The following TRDN variants were observed in gnomAD, a reference collection of about 807,000 sequenced individuals.
The protein encoded by TRDN is triadin, also known as triadin in skeletal muscle.
TRDN carries 161 observed loss-of-function variants against 149.7 expected under a neutral mutation model. The ratio of observed to expected loss-of-function variants is 1.08; its 90% confidence interval spans 0.95 to 1.23. TRDN has a LOEUF of 1.23. TRDN is among the 50% of genes most tolerant of loss of function. TRDN has a pLI of 0.00. For missense variants in TRDN, 896 were observed against 823.5 expected (o/e 1.09, Z -1.08); for synonymous variants, 294 against 250.5 (o/e 1.17, Z -1.64).
intron 14 of TRDN, among the ~76,000 whole-genome samples, chr6:123,386,807 C>A (rs888946335): frequency 1.3e-5 from 2 of 152,144 alleles, no homozygotes; most frequent in Non-Finnish European, 2.9e-5. Context: ...GGGCTTCATC[C>A]TTTTTGGTGT....
intron 14 of TRDN, among the ~76,000 whole-genome samples, chr6:123,382,723 T>C (rs571087797): frequency 1.2e-3 from 189 of 152,140 alleles, no homozygotes; most frequent in African/African-American, 4.1e-3. Flanking sequence ...ATAACTGTTA[T>C]GTAGTAATGT....
At chr6:123,352,459 C>T in intron 21 of TRDN, 80 bp downstream of exon 21, 1 of 1,577,578 alleles carries the variant, frequency 6.3e-7, no homozygotes, top group Non-Finnish European at 8.6e-7. Context: ...TGTCTTCCGC[C>T]TGTCTGAATC....
At chr6:123,394,159 C>G (rs1772626520) in intron 12 of TRDN, among the ~76,000 whole-genome samples, 1 of 152,084 alleles carries the variant, frequency 6.6e-6, no homozygotes, top group African/African-American at 2.4e-5. Context: ...GCAGTGGCAC[C>G]AATCACTATT....
At chr6:123,404,342 T>C (rs908982828) in intron 12 of TRDN, among the ~76,000 whole-genome samples, 1 of 152,228 alleles carries the variant, frequency 6.6e-6, no homozygotes, top group African/African-American at 2.4e-5. Context: ...AATATGCAGT[T>C]AGTATTTGAG....
chr6:123,530,659 G>T, intron 4 of TRDN, 94 bp from the exon 5 acceptor site: 1 of 754,688 alleles, frequency 1.3e-6, no homozygotes, highest in Non-Finnish European at 1.8e-6. Flanking sequence ...CTACCACAAA[G>T]TTTAAATTAT....
At chr6:123,442,035 T>C (rs1181487044) in intron 10 of TRDN, 1 of 152,218 alleles carries the variant, frequency 6.6e-6, no homozygotes, top group Non-Finnish European at 1.5e-5. Context: ...CAGCTCACAA[T>C]ATGACCATGG....
intron 1 of TRDN, among the ~76,000 whole-genome samples, chr6:123,609,030 G>A (rs924711150): frequency 6.6e-6 from 1 of 151,888 alleles, no homozygotes; most frequent in African/African-American, 2.4e-5. Context: ...AAAATTAGCA[G>A]GGCATGGTGG....
intron 2 of TRDN, among the ~76,000 whole-genome samples, chr6:123,565,639 T>G (rs1782247272): frequency 6.6e-6 from 1 of 152,160 alleles, no homozygotes; most frequent in South Asian, 2.1e-4. Context: ...ATGAAGCCAT[T>G]ATTTATTGTC....
rs527972248 is a variant in TRDN, at chr6:123,610,577, C to T, written c.22+26177G>A. 4.6e-5 allele frequency among the ~76,000 whole-genome samples: 7 copies of T among 152,186 alleles called. No individual in the cohort carries two copies. In the East Asian group the frequency reaches 7.7e-4, roughly 17 times the overall value. ...GTGACAGAGATATCTATTAAATAAT[C>T]ATATAAATGAACAATTGTATCTGTG... On this transcript the variant is annotated intron_variant, in intron 1 of 40. Transcript: ENST00000334268.
chr6:123,437,453 G>A (rs1013850392), intron 12 of TRDN: 6 of 295,658 alleles, frequency 2.0e-5, no homozygotes, highest in East Asian at 8.6e-5. Context: ...ACCCAGGCTG[G>A]AGTGCAGTAG....
intron 24 of TRDN, among the ~76,000 whole-genome samples, chr6:123,295,386 C>T (rs1778156791): frequency 6.6e-6 from 1 of 152,164 alleles, no homozygotes; most frequent in Non-Finnish European, 1.5e-5. Context: ...TGTAATGCTG[C>T]CTCTTCAATA....
chr6:123,630,663 G>T (rs1411329204), intron 1 of TRDN, among the ~76,000 whole-genome samples: 7 of 151,820 alleles, frequency 4.6e-5, no homozygotes, highest in Non-Finnish European at 7.4e-5. Flanking sequence ...TGTGCTTATG[G>T]GGTGGGGAGA....
chr6:123,495,124 C>T (rs1778390765), intron 9 of TRDN, among the ~76,000 whole-genome samples: 1 of 152,116 alleles, frequency 6.6e-6, no homozygotes, highest in African/African-American at 2.4e-5. Context: ...ATAGCTCACA[C>T]ACCCCTGCAG....
chr6:123,636,751 T>C lies in TRDN; in HGVS notation c.22+3A>G. 6.2e-7 allele frequency: 1 copy of C among 1,611,534 alleles called. No individual in the cohort carries two copies. The highest frequency in any genetic ancestry group is 8.5e-7 in the Non-Finnish European group (1 of 1,178,392). On this transcript the variant is annotated splice_donor_region_variant and intron_variant, in intron 1 of 40. Transcript: ENST00000334268. ...TGATACTATCGGAAAATGGTAGCAA[T>C]ACCTTCAGCAGTGATCTCAGTCATG...
At chr6:123,222,427 A>T (rs1775182537) in intron 39 of TRDN, among the ~76,000 whole-genome samples, 1 of 151,676 alleles carries the variant, frequency 6.6e-6, no homozygotes, top group African/African-American at 2.4e-5. Context: ...ATAAACATTA[A>T]AGTTTTAGAA....
chr6:123,280,158 C>T (rs1777530068), intron 24 of TRDN, among the ~76,000 whole-genome samples: 1 of 152,068 alleles, frequency 6.6e-6, no homozygotes, highest in African/African-American at 2.4e-5. Flanking sequence ...AAGGCCAAGA[C>T]AGTCAGTTAT....
intron 12 of TRDN, among the ~76,000 whole-genome samples, chr6:123,404,896 T>A (rs1318760949): frequency 6.6e-6 from 1 of 152,240 alleles, no homozygotes; most frequent in African/African-American, 2.4e-5. Context: ...CTCTCCTTTA[T>A]CAGTGTTAAA....
intron 24 of TRDN, among the ~76,000 whole-genome samples, chr6:123,308,327 T>C (rs1292054328): frequency 8.0e-6 from 1 of 125,594 alleles, no homozygotes; most frequent in Non-Finnish European, 1.6e-5. Context: ...AACATATGAG[T>C]GCACGTGTGT....
intron 2 of TRDN, among the ~76,000 whole-genome samples, chr6:123,555,405 CA>C (rs1273937191): frequency 2.0e-5 from 3 of 152,160 alleles, no homozygotes; most frequent in Non-Finnish European, 4.4e-5. Flanking sequence ...GTCAAGCATT[CA>C]AAAAATGTTT....
Sources: allele counts gnomAD v4.1 joint callset (sites outside exome capture counted in the v4.1 genomes callset), GRCh38; gene constraint gnomAD v4.1.1; transcripts MANE v1.5; gene names NCBI Gene and HGNC (gene_info 2026-07-23, HGNC 2026-07-21).